KCNT2: variants seen among roughly 807,000 people sequenced by gnomAD.
KCNT2 encodes the protein potassium channel subfamily T member 2.
In KCNT2, 67 loss-of-function variants were observed where a neutral mutation model predicts 153.8. The observed-to-expected ratio is 0.44, with a 90% CI of 0.36 to 0.53. KCNT2 has a LOEUF of 0.53. Among genes scored for constraint, KCNT2 ranks in the 20% least tolerant of loss-of-function variants. KCNT2 has a pLI of 0.00. For missense variants in KCNT2, 975 were observed against 1,354.8 expected, an observed-to-expected ratio of 0.72 and a Z score of 4.40; for synonymous variants, 500 against 458.8, an observed-to-expected ratio of 1.09 and a Z score of -1.15.
chr1:196,314,946 A>G (rs1662562917), intron 21 of KCNT2, among the ~76,000 whole-genome samples: 1 of 151,732 alleles, frequency 6.6e-6, no homozygotes, highest in Non-Finnish European at 1.5e-5. Context: ...TAATATATTG[A>G]GATGTAGAGA....
At chr1:196,251,595 C>T (rs1345543176) in intron 26 of KCNT2, among the ~76,000 whole-genome samples, 1 of 151,834 alleles carries the variant, frequency 6.6e-6, no homozygotes, top group Non-Finnish European at 1.5e-5. Context: ...TGATGGTTAC[C>T]AGAGGCTGGG....
intron 26 of KCNT2, chr1:196,257,586 ATTAT>A: frequency 1.1e-6 from 1 of 925,700 alleles, no homozygotes; most frequent in Non-Finnish European, 1.3e-6. Flanking sequence ...GTATAATTGC[ATTAT>A]TTAAGCTTTG....
intron 1 of KCNT2, among the ~76,000 whole-genome samples, chr1:196,568,384 G>A (rs1311295646): frequency 6.6e-6 from 1 of 152,012 alleles, no homozygotes; most frequent in East Asian, 1.9e-4. Context: ...ACGAGATAAG[G>A]AGATCGAGCC....
rs998175576 is a variant in KCNT2 at position 196,354,844 on chromosome 1, GT to G, written c.1404-12617del. Among the ~76,000 whole-genome samples, 60 of 151,612 alleles carry G rather than the reference GT, an allele frequency of 4.0e-4. No homozygotes were observed. In the East Asian group the frequency reaches 5.8e-3, roughly 15 times the overall value. On this transcript the variant is annotated intron_variant, in intron 14 of 27. Coordinates refer to ENST00000294725, the MANE Select transcript of KCNT2 (RefSeq NM_198503.5). ...TTGTTGTTTGTATACTTCCCAGGGT[GT>G]TTTTTTGCACTCATGAATTACATTA...
At chr1:196,548,140 A>T (rs1657369755) in intron 1 of KCNT2, among the ~76,000 whole-genome samples, 1 of 152,050 alleles carries the variant, frequency 6.6e-6, no homozygotes, top group Non-Finnish European at 1.5e-5. Flanking sequence ...TAGTAAAAAA[A>T]ACATTTCTTT....
At chr1:196,292,502 G>C (rs1211260362) in intron 22 of KCNT2, among the ~76,000 whole-genome samples, 1 of 152,110 alleles carries the variant, frequency 6.6e-6, no homozygotes, top group Non-Finnish European at 1.5e-5. Context: ...GAAGTAAAAG[G>C]CATCTAAATA....
intron 22 of KCNT2, among the ~76,000 whole-genome samples, chr1:196,303,249 A>T (rs1301020179): frequency 6.6e-6 from 1 of 152,148 alleles, no homozygotes; most frequent in Non-Finnish European, 1.5e-5. Context: ...AAATGTGAAC[A>T]TCAAGGAGGA....
chr1:196,458,719 T>C (rs937189841), intron 8 of KCNT2, among the ~76,000 whole-genome samples: 1 of 151,932 alleles, frequency 6.6e-6, no homozygotes, highest in Non-Finnish European at 1.5e-5. Flanking sequence ...TGAAAGGAAA[T>C]ATTGAGACTG....
At chr1:196,553,036 A>G (rs931664415) in intron 1 of KCNT2, among the ~76,000 whole-genome samples, 3 of 151,224 alleles carry the variant, frequency 2.0e-5, no homozygotes, top group Non-Finnish European at 4.4e-5. Flanking sequence ...CATAAAACAA[A>G]GAACAAAATG....
intron 23 of KCNT2, 50 bp from the exon 24 acceptor site, chr1:196,282,406 G>GTT: frequency 1.1e-6 from 1 of 893,202 alleles, no homozygotes. Context: ...TATATATAAT[G>GTT]TGTATGAGAT....
intron 15 of KCNT2, among the ~76,000 whole-genome samples, chr1:196,341,175 T>G (rs1178460056): frequency 6.6e-6 from 1 of 152,052 alleles, no homozygotes; most frequent in Non-Finnish European, 1.5e-5. Context: ...AAAATGCTTT[T>G]AATACAGCTA....
intron 13 of KCNT2, among the ~76,000 whole-genome samples, chr1:196,395,515 C>G (rs1670860873): frequency 6.6e-6 from 1 of 151,456 alleles, no homozygotes; most frequent in Non-Finnish European, 1.5e-5. Context: ...TTACTGGTGG[C>G]TTAAAAATTA....
At chr1:196,487,325 C>G (rs1679504090) in intron 3 of KCNT2, among the ~76,000 whole-genome samples, 1 of 151,726 alleles carries the variant, frequency 6.6e-6, no homozygotes. Context: ...TTTCTGAAAT[C>G]AGGATGCAAA....
chr1:196,502,895 T>A (rs929758567), intron 1 of KCNT2, among the ~76,000 whole-genome samples: 3 of 151,964 alleles, frequency 2.0e-5, no homozygotes, highest in African/African-American at 7.3e-5. Flanking sequence ...TATAGAATAA[T>A]TATAAAGGTA....
intron 8 of KCNT2, among the ~76,000 whole-genome samples, chr1:196,435,135 GTA>G (rs200431131): frequency 0.19 from 14,549 of 75,918 alleles, 2,044 homozygotes; most frequent in East Asian, 0.33. Flanking sequence ...GTGTGTGTGT[GTA>G]TGTATATATA....
At chr1:196,453,944 A>G (rs914690694) in intron 8 of KCNT2, among the ~76,000 whole-genome samples, 4 of 152,036 alleles carry the variant, frequency 2.6e-5, no homozygotes, top group African/African-American at 7.2e-5. Context: ...AATATTGATT[A>G]AATGAATGCA....
At chr1:196,344,077 GCC>G (rs1665923742) in intron 14 of KCNT2, among the ~76,000 whole-genome samples, 3 of 152,094 alleles carry the variant, frequency 2.0e-5, no homozygotes, top group Non-Finnish European at 1.5e-5. Context: ...ACCGCCCCTG[GCC>G]AAACTCTACA....
chr1:196,476,758 A>G (rs1404449894), intron 5 of KCNT2, among the ~76,000 whole-genome samples: 2 of 152,066 alleles, frequency 1.3e-5, no homozygotes, highest in Non-Finnish European at 2.9e-5. Flanking sequence ...CCTGCCTTGT[A>G]CTTTCTCTCT....
At chr1:196,263,724 C>A (rs1657249445) in intron 25 of KCNT2, among the ~76,000 whole-genome samples, 1 of 152,120 alleles carries the variant, frequency 6.6e-6, no homozygotes, top group Non-Finnish European at 1.5e-5. Context: ...AAATAACCCA[C>A]AAATTCATGC....
Sources: allele counts gnomAD v4.1 joint callset (sites outside exome capture counted in the v4.1 genomes callset), GRCh38; gene constraint gnomAD v4.1.1; transcripts MANE v1.5; gene names NCBI Gene and HGNC (gene_info 2026-07-23, HGNC 2026-07-21).